Variants in ANKRD30A observed in about 807,000 individuals in gnomAD.
ANKRD30A encodes the protein ankyrin repeat domain 30A, also known as ankyrin repeat domain-containing protein 30A.
Under a neutral mutation model 166.3 loss-of-function variants are expected in ANKRD30A, and 170 were observed. The ratio of observed to expected loss-of-function variants is 1.02; its 90% CI spans 0.90 to 1.16. The LOEUF is 1.16. ANKRD30A is among the 50% of genes most tolerant of loss of function. The probability of loss-of-function intolerance (pLI) is 0.00; values close to 1 mark genes in which losing one functional copy is unlikely to be tolerated. For synonymous variants in ANKRD30A, 564 were observed against 508.9 expected (o/e 1.11, Z -1.46); for missense variants, 1,630 against 1,518.0 (o/e 1.07, Z -1.23).
the ANKRD30A span, chr10:37,248,156 C>T: frequency 1.6e-6 from 1 of 632,112 alleles, no homozygotes; most frequent in South Asian, 1.4e-5. Context: ...TGGGAGTCTT[C>T]CAGAGGTCTT....
At chr10:37,149,385 T>A (rs1309716664) in intron 9 of ANKRD30A, among the ~76,000 whole-genome samples, 1 of 152,052 alleles carries the variant, frequency 6.6e-6, no homozygotes, top group Non-Finnish European at 1.5e-5. Flanking sequence ...TGACATTTAT[T>A]TTCTCATATC....
At chr10:37,201,182 TTCA>T in intron 30 of ANKRD30A, 50 bp from the exon 31 acceptor site, 1 of 1,366,720 alleles carries the variant, frequency 7.3e-7, no homozygotes, top group Non-Finnish European at 9.9e-7. Flanking sequence ...TTTGATAATC[TTCA>T]TTATTAGGAT....
intron 18 of ANKRD30A, among the ~76,000 whole-genome samples, chr10:37,166,187 A>G (rs1303271008): frequency 6.6e-6 from 1 of 152,118 alleles, no homozygotes; most frequent in Admixed American, 6.6e-5. Context: ...CAGTTCTATG[A>G]TCGTGAATAT....
chr10:37,152,580 G>A (rs17606017), intron 12 of ANKRD30A, among the ~76,000 whole-genome samples: 1 of 152,110 alleles, frequency 6.6e-6, no homozygotes, highest in Non-Finnish European at 1.5e-5. Context: ...ATTGACATAT[G>A]TTTATTGTTC....
intron 13 of ANKRD30A, among the ~76,000 whole-genome samples, chr10:37,156,390 C>G (rs562016705): frequency 1.3e-5 from 2 of 151,774 alleles, no homozygotes; most frequent in Non-Finnish European, 2.9e-5. Context: ...TAAAAAAAAA[C>G]TAAGGTGGTA....
intron 33 of ANKRD30A, 139 bp downstream of exon 33, chr10:37,218,017 G>A (rs2132738937): frequency 1.9e-6 from 1 of 527,464 alleles, no homozygotes; most frequent in East Asian, 3.6e-5. Context: ...TATCACATTT[G>A]TAGCTACAGT....
intron 34 of ANKRD30A, among the ~76,000 whole-genome samples, chr10:37,229,823 T>C (rs908621693): frequency 6.6e-6 from 1 of 152,066 alleles, no homozygotes; most frequent in African/African-American, 2.4e-5. Flanking sequence ...TGTGTATATA[T>C]ATATCCATAT....
At chr10:37,210,859 G>T (rs1452171964) in intron 31 of ANKRD30A, among the ~76,000 whole-genome samples, 1 of 152,060 alleles carries the variant, frequency 6.6e-6, no homozygotes, top group Non-Finnish European at 1.5e-5. Context: ...GTACATTCTG[G>T]ATATTAGCCC....
chr10:37,204,828 G>A (rs1490280148), intron 31 of ANKRD30A, among the ~76,000 whole-genome samples: 1 of 152,090 alleles, frequency 6.6e-6, no homozygotes, highest in Non-Finnish European at 1.5e-5. Flanking sequence ...TATTTATGCA[G>A]ACAACAGACA....
At chr10:37,128,131 G>A (rs1435980150) in intron 1 of ANKRD30A, among the ~76,000 whole-genome samples, 2 of 152,042 alleles carry the variant, frequency 1.3e-5, no homozygotes, top group Non-Finnish European at 2.9e-5. Context: ...AGTTCAGTTT[G>A]ACTATACATA....
At chr10:37,152,536 G>T (rs532395025) in intron 12 of ANKRD30A, among the ~76,000 whole-genome samples, 1 of 151,978 alleles carries the variant, frequency 6.6e-6, no homozygotes, top group Non-Finnish European at 1.5e-5. Flanking sequence ...GTAAAAGCTG[G>T]GACCTGAAAA....
intron 34 of ANKRD30A, among the ~76,000 whole-genome samples, chr10:37,228,828 T>C (rs1442373577): frequency 6.6e-6 from 1 of 152,080 alleles, no homozygotes; most frequent in Non-Finnish European, 1.5e-5. Context: ...TAATTTCTAC[T>C]GTGTAAGTTT....
At chr10:37,211,638 G>A (rs1001511493) in intron 31 of ANKRD30A, among the ~76,000 whole-genome samples, 9 of 151,928 alleles carry the variant, frequency 5.9e-5, no homozygotes, top group Non-Finnish European at 1.2e-4. Context: ...TAATCCTTTG[G>A]GTATATAACC....
intron 7 of ANKRD30A, among the ~76,000 whole-genome samples, chr10:37,144,634 A>G (rs1204531348): frequency 1.3e-5 from 2 of 152,208 alleles, no homozygotes; most frequent in East Asian, 1.9e-4. Flanking sequence ...ATACTAAAAA[A>G]TAAAAGAAAG....
intron 3 of ANKRD30A, among the ~76,000 whole-genome samples, chr10:37,130,889 C>T (rs1836343280): frequency 6.6e-6 from 1 of 152,130 alleles, no homozygotes; most frequent in South Asian, 2.1e-4. Context: ...ACCTCTTTTG[C>T]CTCTGTAAAT....
rs1839280872 is a variant in ANKRD30A at position 37,165,789 on chromosome 10, C to T, written c.2064+634C>T. Among the ~76,000 whole-genome samples the T allele has an allele frequency of 2.0e-5, 3 of 152,078 alleles. No homozygotes were observed. In the South Asian group the frequency reaches 6.2e-4, roughly 32 times the overall value. On this transcript the variant is annotated intron_variant, in intron 18 of 35. Transcript: ENST00000361713. ...TCCCCTTATGGCAGTCAAGCTACAGCAGCATGAGCGTCAAATCATAGTGAT... is the reference window on the plus strand; with the variant it reads ...TCCCCTTATGGCAGTCAAGCTACAGTAGCATGAGCGTCAAATCATAGTGAT...
intron 21 of ANKRD30A, among the ~76,000 whole-genome samples, chr10:37,172,050 A>G (rs1473462892): frequency 7.0e-6 from 1 of 143,452 alleles, no homozygotes; most frequent in African/African-American, 2.6e-5. Flanking sequence ...ACACTTATTT[A>G]TTTAAAAAAT....
chr10:37,220,023 AT>A (rs1842827013), intron 34 of ANKRD30A, 126 bp downstream of exon 34: 8 of 142,322 alleles, frequency 5.6e-5, no homozygotes, highest in East Asian at 2.2e-4. Flanking sequence ...ATATATATAT[AT>A]ATATAATATA....
chr10:37,153,899 A>G (rs1838157769), intron 13 of ANKRD30A, among the ~76,000 whole-genome samples: 1 of 152,218 alleles, frequency 6.6e-6, no homozygotes, highest in African/African-American at 2.4e-5. Context: ...AGACCTGAGG[A>G]AAATGAGAAA....
Sources: allele counts gnomAD v4.1 joint callset (sites outside exome capture counted in the v4.1 genomes callset), GRCh38; gene constraint gnomAD v4.1.1; transcripts MANE v1.5; gene names NCBI Gene and HGNC (gene_info 2026-07-23, HGNC 2026-07-21).